IFIH1: variants seen among roughly 807,000 people sequenced by gnomAD.
The protein encoded by IFIH1 is interferon-induced helicase C domain-containing protein 1.
IFIH1 carries 125 observed loss-of-function variants against 107.4 expected under a neutral mutation model. The observed-to-expected ratio is 1.16, with a 90% CI of 1.01 to 1.35. The LOEUF (loss-of-function observed/expected upper bound fraction) is 1.35. Among genes scored for constraint, IFIH1 ranks in the 40% most tolerant of loss-of-function variants. IFIH1 has a pLI of 0.00. For synonymous variants in IFIH1, 458 were observed against 413.2 expected, an observed-to-expected ratio of 1.11 and a Z score of -1.31; for missense variants, 1,333 against 1,213.7, an observed-to-expected ratio of 1.10 and a Z score of -1.46.
rs201495678 is a variant in IFIH1, at chr2:162,310,882, T to A, written c.505A>T (p.Lys169Ter). The change falls in exon 2 of 16, where the codon AAA becomes TAA. Residue 169 changes from lysine (K) to a stop codon, truncating the protein, a stop_gained. Coordinates refer to ENST00000649979, the MANE Select transcript of IFIH1 (RefSeq NM_022168.4). LOFTEE classifies it high-confidence loss of function. ...CAGTTTTCTTTCTGCACAATCCTTT[T>A]TAGTAGCTCTCTTACACCTGATTCA... ...GNESGVRELLKRIVQKENWFS... is the reference protein window; with the variant it reads ...GNESGVRELL 14 of 1,613,684 alleles carry A rather than the reference T, an allele frequency of 8.7e-6. No homozygotes were observed. The highest frequency in any genetic ancestry group is 3.3e-4 in the Middle Eastern group (2 of 6,058).
intron 4 of IFIH1, among the ~76,000 whole-genome samples, chr2:162,289,497 GTATT>G (rs1328214927): frequency 6.6e-6 from 1 of 151,760 alleles, no homozygotes; most frequent in Non-Finnish European, 1.5e-5. Context: ...TGAAATAACA[GTATT>G]TATCCATATT....
chr2:162,274,399 T>C (rs984343354), intron 11 of IFIH1, among the ~76,000 whole-genome samples: 1 of 152,184 alleles, frequency 6.6e-6, no homozygotes, highest in Non-Finnish European at 1.5e-5. Flanking sequence ...GCACACTGTA[T>C]ATGCATTTGG....
At chr2:162,307,531 C>G (rs1683306835) in intron 2 of IFIH1, among the ~76,000 whole-genome samples, 1 of 152,182 alleles carries the variant, frequency 6.6e-6, no homozygotes. Context: ...TTCCTCACTT[C>G]CAGCTTTTCT....
At chr2:162,288,389 GA>G in intron 4 of IFIH1, 34 bp from the exon 5 acceptor site, 1 of 1,523,276 alleles carries the variant, frequency 6.6e-7, no homozygotes, top group African/African-American at 1.4e-5. Context: ...TAAGAGAAGG[GA>G]CAACAAAATA....
intron 5 of IFIH1, among the ~76,000 whole-genome samples, chr2:162,287,788 A>C (rs1022371215): frequency 6.6e-6 from 1 of 151,934 alleles, no homozygotes; most frequent in African/African-American, 2.4e-5. Flanking sequence ...TGCAATGATA[A>C]ATTAGCTAGT....
chr2:162,304,732 A>G (rs1265900249), intron 3 of IFIH1, among the ~76,000 whole-genome samples: 1 of 152,242 alleles, frequency 6.6e-6, no homozygotes, highest in African/African-American at 2.4e-5. Flanking sequence ...GTAAATTCAA[A>G]TAACGAAATA....
chr2:162,281,607 T>G, intron 6 of IFIH1, 62 bp from the exon 7 acceptor site: 1 of 1,232,190 alleles, frequency 8.1e-7, no homozygotes, highest in South Asian at 1.4e-5. Context: ...AGAAAATAGC[T>G]TTAGACCAGT....
chr2:162,314,153 T>C (rs747548522), intron 1 of IFIH1, among the ~76,000 whole-genome samples: 1 of 152,218 alleles, frequency 6.6e-6, no homozygotes, highest in Non-Finnish European at 1.5e-5. Context: ...TGCCAAGTTG[T>C]AACTTAGTTA....
At chr2:162,317,134 TG>T (rs1683508325) in intron 1 of IFIH1, among the ~76,000 whole-genome samples, 2 of 151,450 alleles carry the variant, frequency 1.3e-5, no homozygotes, top group African/African-American at 4.8e-5. Context: ...TTCTCTAAAA[TG>T]CCAGATAATA....
chr2:162,288,499 A>C (rs1682935802), intron 4 of IFIH1, 144 bp from the exon 5 acceptor site: 2 of 623,448 alleles, frequency 3.2e-6, no homozygotes, highest in South Asian at 2.0e-5. Flanking sequence ...TTTCTGTACC[A>C]ATTAATGTCT....
intron 11 of IFIH1, among the ~76,000 whole-genome samples, chr2:162,274,293 CT>C (rs1265150913): frequency 6.6e-6 from 1 of 152,226 alleles, no homozygotes; most frequent in East Asian, 1.9e-4. Context: ...CTAAAATGGG[CT>C]TTTTTCCCCC....
chr2:162,306,664 G>A, intron 3 of IFIH1, 45 bp downstream of exon 3: 2 of 1,558,712 alleles, frequency 1.3e-6, no homozygotes, highest in Non-Finnish European at 1.8e-6. Context: ...TGGTTTTTCT[G>A]GAAGTAGTAA....
rs75046760 is a variant in IFIH1, at chr2:162,317,647, T to C, written c.453+208A>G. 7.8e-4 allele frequency among the ~76,000 whole-genome samples: 119 copies of C among 152,380 alleles called. 1 individual carries two copies. In the East Asian group the frequency reaches 0.021, roughly 27 times the overall value. On this transcript the variant is annotated intron_variant, in intron 1 of 15. Coordinates refer to ENST00000649979, the MANE Select transcript of IFIH1 (RefSeq NM_022168.4). ...ACATTACGATTCTAGAGTTAACTCC[T>C]TTTTACTTCAGTGAAAACATTAGAA...
intron 13 of IFIH1, among the ~76,000 whole-genome samples, chr2:162,269,969 C>T (rs546542121): frequency 1.7e-4 from 26 of 152,030 alleles, no homozygotes; most frequent in African/African-American, 6.3e-4. Flanking sequence ...ATTTACAGTT[C>T]AATGAGCTGA....
chr2:162,288,480 A>G, intron 4 of IFIH1, 125 bp from the exon 5 acceptor site: 1 of 651,814 alleles, frequency 1.5e-6, no homozygotes, highest in Non-Finnish European at 2.7e-6. Context: ...AAACCAATTC[A>G]TTTTCTCTTT....
intron 13 of IFIH1, among the ~76,000 whole-genome samples, chr2:162,271,731 G>A (rs1362530228): frequency 6.6e-6 from 1 of 152,062 alleles, no homozygotes; most frequent in African/African-American, 2.4e-5. Flanking sequence ...GTCTTTTAAT[G>A]TTTGTTTACT....
At chr2:162,313,943 A>G (rs1273048749) in intron 1 of IFIH1, among the ~76,000 whole-genome samples, 1 of 152,194 alleles carries the variant, frequency 6.6e-6, no homozygotes, top group Admixed American at 6.5e-5. Flanking sequence ...TAGGTGGACT[A>G]GTCATGGCAT....
At chr2:162,291,830 T>C (rs1383530161) in intron 4 of IFIH1, among the ~76,000 whole-genome samples, 1 of 151,874 alleles carries the variant, frequency 6.6e-6, no homozygotes, top group Non-Finnish European at 1.5e-5. Flanking sequence ...GCAAGGAATT[T>C]CATAATTTTA....
Position 162,267,245 on chromosome 2 carries a change from G to A in IFIH1, c.3033C>T (p.Pro1011=). ...KKWVELPITF[P]NLDYSECCLF... is the part of the protein sequence containing the mutation. Reference sequence around the variant, plus strand: ...AACAGCATTCTGAATAGTCAAGATTGGGAAATGTGATAGGTAATTCTACCC... The same window carrying A: ...AACAGCATTCTGAATAGTCAAGATTAGGAAATGTGATAGGTAATTCTACCC... The change falls in exon 16 of 16, where the codon CCC becomes CCT. Residue 1011 remains proline, a synonymous_variant. Coordinates refer to ENST00000649979, the MANE Select transcript of IFIH1 (RefSeq NM_022168.4). The A allele has an allele frequency of 6.2e-7, 1 of 1,608,064 alleles. No homozygotes were observed. Among genetic ancestry groups the A allele is most frequent in the Non-Finnish European group, 8.5e-7 (1 of 1,178,412 alleles).
Sources: allele counts gnomAD v4.1 joint callset (sites outside exome capture counted in the v4.1 genomes callset), GRCh38; gene constraint gnomAD v4.1.1; transcripts MANE v1.5; gene names NCBI Gene and HGNC (gene_info 2026-07-23, HGNC 2026-07-21).